The following KCNQ1 variants were observed in gnomAD, a reference collection of about 807,000 sequenced individuals.
KCNQ1 encodes potassium voltage-gated channel subfamily KQT member 1.
In KCNQ1, 49 loss-of-function variants were observed where a neutral mutation model predicts 72.4. That is an observed-to-expected ratio of 0.68 (90% CI 0.54 to 0.86). The LOEUF (loss-of-function observed/expected upper bound fraction) is 0.86, where lower values mean the gene tolerates loss of function less well. KCNQ1 is among the 40% of genes least tolerant of loss of function. KCNQ1 has a pLI of 0.00. For synonymous variants in KCNQ1, 450 were observed against 412.6 expected (o/e 1.09, Z -1.10); for missense variants, 790 against 945.1 (o/e 0.84, Z 2.15).
At chr11:2,461,458 C>T (rs1373407569) in intron 1 of KCNQ1, 1 of 1,286,932 alleles carries the variant, frequency 7.8e-7, no homozygotes, top group Admixed American at 2.3e-5. Context: ...TCCCCTGCAG[C>T]TTCCATGGCC....
At chr11:2,662,262 A>G in intron 11 of KCNQ1, 181 bp downstream of exon 11, 1 of 680,036 alleles carries the variant, frequency 1.5e-6, no homozygotes, top group East Asian at 2.7e-5. Flanking sequence ...GAGCAAGGGC[A>G]CTTCCCACTG....
At chr11:2,589,863 G>T (rs1848648809) in intron 10 of KCNQ1, among the ~76,000 whole-genome samples, 1 of 152,184 alleles carries the variant, frequency 6.6e-6, no homozygotes, top group Non-Finnish European at 1.5e-5. Context: ...GTCATCTCGG[G>T]ACCAGTTTTG....
rs896118209 is a variant in KCNQ1, at chr11:2,608,037, A to G, written c.1393+19183A>G. Among the ~76,000 whole-genome samples the G allele has an allele frequency of 6.6e-6, 1 of 152,242 alleles. No homozygotes were observed. The highest frequency in any genetic ancestry group is 1.5e-5 in the Non-Finnish European group (1 of 68,038). On this transcript the variant is annotated intron_variant, in intron 10 of 15. Transcript: ENST00000155840. This position sits in a 1 kb window ranked among gnomAD's most constrained non-coding sequence, Gnocchi z 4.6. ...CAATAGCGTGGATTTACCTAATGCC[A>G]CAGAACTATATACCTAAAATGGGTA...
rs1048242386 is a variant in KCNQ1 at position 2,513,756 on chromosome 11, C to G, written c.387-14172C>G. Among the ~76,000 whole-genome samples the G allele has an allele frequency of 2.0e-5, 3 of 152,372 alleles. No homozygotes were observed. In the East Asian group the frequency reaches 5.8e-4, roughly 29 times the overall value. On this transcript the variant is annotated intron_variant, in intron 1 of 15. Coordinates refer to ENST00000155840, the MANE Select transcript of KCNQ1 (RefSeq NM_000218.3). ...TGGGTTCTCCTCTCTCCTCTGGGAT[C>G]TGCACAGGTTGCCATTCTCTCTGCC...
intron 11 of KCNQ1, chr11:2,666,385 T>G: frequency 2.5e-6 from 1 of 398,678 alleles, no homozygotes; most frequent in Non-Finnish European, 4.4e-6. Context: ...CATGACAGCT[T>G]CGCAAATCCT....
rs1386397262 is a variant in KCNQ1, at chr11:2,550,022, T to C, written c.478-20606T>C. Among the ~76,000 whole-genome samples, 1 of 152,140 alleles carries C rather than the reference T, an allele frequency of 6.6e-6. No individual in the cohort carries two copies. Among genetic ancestry groups the C allele is most frequent in the Non-Finnish European group, 1.5e-5 (1 of 67,998 alleles). ...CAGGGTGCAGGGGACTGTTTGGGCC[T>C]CGAGAGGGACGGACCCCAGAACTGG... On this transcript the variant is annotated intron_variant, in intron 2 of 15. Coordinates refer to ENST00000155840, the MANE Select transcript of KCNQ1 (RefSeq NM_000218.3). This position sits in a 1 kb window ranked among gnomAD's most constrained non-coding sequence, Gnocchi z 6.0.
Position 2,653,114 on chromosome 11 carries a change from G to A in KCNQ1, c.1394-8847G>A, listed in dbSNP as rs1256482451. The A allele has an allele frequency of 1.5e-5, 6 of 398,576 alleles. No individual in the cohort carries two copies. Among genetic ancestry groups the A allele is most frequent in the Non-Finnish European group, 2.7e-5 (6 of 226,114 alleles). The allele number at this position is 398,576 out of a possible 1,614,324, so 24.7% of individuals were successfully genotyped here. A position where few individuals can be genotyped will look rare whatever the true frequency, so the allele number is the denominator to read the frequency against. ...TGGAGAGAGGCTCACTGAAGGTTTG[G>A]GGAGATGAGGACTTGCATCACAGCA... On this transcript the variant is annotated intron_variant, in intron 10 of 15. Transcript: ENST00000155840. This position sits in a 1 kb window ranked among gnomAD's most constrained non-coding sequence, Gnocchi z 5.3.
rs1848767793 is a variant in KCNQ1 at position 2,599,117 on chromosome 11, C to T, written c.1393+10263C>T. On this transcript the variant is annotated intron_variant, in intron 10 of 15. Transcript: ENST00000155840. This position sits in a 1 kb window ranked among gnomAD's most constrained non-coding sequence, Gnocchi z 4.7. ...AACTTTTTTCTTATGTTTGCTTGGG[C>T]TCCCCTCCTCTCTGTTACCTATGTT... Among the ~76,000 whole-genome samples, 1 of 152,100 alleles carries T rather than the reference C, an allele frequency of 6.6e-6. No individual in the cohort carries two copies. The highest frequency in any genetic ancestry group is 2.1e-4 in the South Asian group (1 of 4,816).
chr11:2,805,026 A>C (rs1847344905), intron 15 of KCNQ1, among the ~76,000 whole-genome samples: 1 of 152,224 alleles, frequency 6.6e-6, no homozygotes, highest in Admixed American at 6.5e-5. Context: ...GTAAAAATGA[A>C]GCAGTTTGAA....
At position 2,621,295 on chromosome 11, in the gene KCNQ1, G is replaced by T. The variant is rs1275439023; in HGVS notation, c.1393+32441G>T. The T allele has an allele frequency of 7.5e-6, 3 of 398,232 alleles. No homozygotes were observed. The highest frequency in any genetic ancestry group is 1.3e-4 in the South Asian group (1 of 7,818). The allele number at this position is 398,232 out of a possible 1,614,324, so 24.7% of individuals were successfully genotyped here. ...GCCTGGCCTCATTATTTGCATTTCT[G>T]ATTATTAGTGATCATGAGAATGTTT... On this transcript the variant is annotated intron_variant, in intron 10 of 15. Transcript: ENST00000155840. This position sits in a 1 kb window ranked among gnomAD's most constrained non-coding sequence, Gnocchi z 5.7.
intron 10 of KCNQ1, chr11:2,648,823 T>A (rs989419552): frequency 7.5e-6 from 3 of 398,386 alleles, no homozygotes; most frequent in Non-Finnish European, 1.3e-5. Flanking sequence ...TCCCTAACTA[T>A]TATTGTATTG....
Position 2,516,091 on chromosome 11 carries a change from G to T in KCNQ1, c.387-11837G>T, listed in dbSNP as rs1306980229. On this transcript the variant is annotated intron_variant, in intron 1 of 15. Coordinates refer to ENST00000155840, the MANE Select transcript of KCNQ1 (RefSeq NM_000218.3). This position sits in a 1 kb window ranked among gnomAD's most constrained non-coding sequence, Gnocchi z 7.0. The stretch of plus-strand genomic sequence containing the variant: ...CTGTGGAAGGCCAGGCTGCCTGGAT[G>T]CCCACCACTCCAGGCTTACTTCTGG... Among the ~76,000 whole-genome samples, 1 of 152,104 alleles carries T rather than the reference G, an allele frequency of 6.6e-6. No individual in the cohort carries two copies. The highest frequency in any genetic ancestry group is 1.5e-5 in the Non-Finnish European group (1 of 68,026).
rs1441311724 is a variant in KCNQ1, at chr11:2,720,260, A to G, written c.1515-48584A>G. On this transcript the variant is annotated intron_variant, in intron 11 of 15. Transcript: ENST00000155840. This position sits in a 1 kb window ranked among gnomAD's most constrained non-coding sequence, Gnocchi z 5.1. Reference sequence around the variant, plus strand: ...TTGCCATTTGTTATCTTTAAAAAGTATCGGTGGGCTCATGGGGGCTTGAGT... The same window carrying G: ...TTGCCATTTGTTATCTTTAAAAAGTGTCGGTGGGCTCATGGGGGCTTGAGT... Among the ~76,000 whole-genome samples the G allele has an allele frequency of 2.0e-5, 3 of 152,162 alleles. No individual in the cohort carries two copies. Among genetic ancestry groups the G allele is most frequent in the Non-Finnish European group, 4.4e-5 (3 of 68,018 alleles).
chr11:2,561,215 AG>A (rs1282795572), intron 2 of KCNQ1, among the ~76,000 whole-genome samples: 1 of 150,644 alleles, frequency 6.6e-6, no homozygotes, highest in Non-Finnish European at 1.5e-5. Context: ...AAAAAAAAAA[AG>A]AAAAAAAGAA....
In KCNQ1 at chr11:2,749,968, A is replaced by T. The variant is rs905008003; in HGVS notation, c.1515-18876A>T. 4.4e-4 allele frequency among the ~76,000 whole-genome samples: 67 copies of T among 152,170 alleles called. No homozygotes were observed. The South Asian group carries it at 5.6e-3, about 13-fold the overall frequency. ...GAGTGAGACTCTGTCTCCAAAAAAA[A>T]AAAAATAAAAAGTACAGGGGCTCTA... On this transcript the variant is annotated intron_variant, in intron 11 of 15. Transcript: ENST00000155840.
rs533446199 is a variant in KCNQ1 at position 2,772,380 on chromosome 11, T to A, written c.1590+3461T>A. Among the ~76,000 whole-genome samples, 19 of 152,060 alleles carry A rather than the reference T, an allele frequency of 1.2e-4. No homozygotes were observed. The highest frequency in any genetic ancestry group is 2.5e-4 in the Non-Finnish European group (17 of 68,004). On this transcript the variant is annotated intron_variant, in intron 12 of 15. Transcript: ENST00000155840. This position sits in a 1 kb window ranked among gnomAD's most constrained non-coding sequence, Gnocchi z 6.6. ...TCCACCCTTCAAGTGTGCCTTGAAC[T>A]CCCTGTCCACCATCAGTCAGTCTGG...
chr11:2,511,452 T>A (rs562857691), intron 1 of KCNQ1, among the ~76,000 whole-genome samples: 1 of 152,210 alleles, frequency 6.6e-6, no homozygotes, highest in African/African-American at 2.4e-5. Context: ...GGTGGTAATA[T>A]GGCTTACCTG....
At chr11:2,778,980 G>T (rs1442973042) in intron 15 of KCNQ1, among the ~76,000 whole-genome samples, 1 of 152,164 alleles carries the variant, frequency 6.6e-6, no homozygotes, top group Non-Finnish European at 1.5e-5. Flanking sequence ...TCTGCCCATG[G>T]CCTGGGGCGG....
intron 15 of KCNQ1, among the ~76,000 whole-genome samples, chr11:2,780,382 G>A (rs1410020813): frequency 2.1e-4 from 32 of 152,230 alleles, no homozygotes; most frequent in Admixed American, 2.1e-3. Context: ...ACTTCGGGAA[G>A]TAGGGGCAGG....
Sources: gnomAD v4.1 joint callset for allele counts (sites outside exome capture counted in the v4.1 genomes callset) on GRCh38, gnomAD v4.1.1 for gene constraint, Gnocchi (gnomAD v3.1) non-coding constraint, MANE v1.5 for transcripts, NCBI Gene and HGNC (gene_info 2026-07-23, HGNC 2026-07-21) for gene names.